ZNF423: variants seen among roughly 807,000 people sequenced by gnomAD.
ZNF423 encodes zinc finger protein 423.
ZNF423 carries 12 observed loss-of-function variants against 95.8 expected under a neutral mutation model. The observed-to-expected ratio is 0.13, with a 90% CI of 0.08 to 0.20. ZNF423 has a LOEUF of 0.20. Among genes scored for constraint, ZNF423 ranks in the 10% least tolerant of loss-of-function variants. The pLI is 1.00. For synonymous variants in ZNF423, 749 were observed against 711.9 expected, an observed-to-expected ratio of 1.05 and a Z score of -0.83; for missense variants, 1,316 against 1,737.1, an observed-to-expected ratio of 0.76 and a Z score of 4.31.
intron 3 of ZNF423, among the ~76,000 whole-genome samples, chr16:49,727,046 C>T (rs962823832): frequency 2.6e-5 from 4 of 151,924 alleles, no homozygotes; most frequent in East Asian, 1.9e-4. Context: ...GACATCAGGG[C>T]GGGAGAATGA....
intron 2 of ZNF423, among the ~76,000 whole-genome samples, chr16:49,744,361 T>A (rs932781922): frequency 6.6e-6 from 1 of 152,038 alleles, no homozygotes; most frequent in African/African-American, 2.4e-5. Context: ...CCAGGCAGGC[T>A]GTCCCCAGGC....
chr16:49,805,583 C>T (rs1208784772), intron 1 of ZNF423, among the ~76,000 whole-genome samples: 2 of 152,184 alleles, frequency 1.3e-5, no homozygotes, highest in Non-Finnish European at 2.9e-5. Flanking sequence ...ATTGCCTGTA[C>T]CTTCTCAAAA....
chr16:49,828,275 T>C (rs1291745884), intron 1 of ZNF423, among the ~76,000 whole-genome samples: 3 of 152,240 alleles, frequency 2.0e-5, no homozygotes, highest in Non-Finnish European at 4.4e-5. Context: ...CCTGTTTATC[T>C]TGGTAACAGT....
Position 49,492,847 on chromosome 16 carries a change from C to T in ZNF423, c.3850-1543G>A, listed in dbSNP as rs1454839624. Among the ~76,000 whole-genome samples the T allele has an allele frequency of 6.6e-6, 1 of 152,138 alleles. No homozygotes were observed. The highest frequency in any genetic ancestry group is 1.5e-5 in the Non-Finnish European group (1 of 68,006). On this transcript the variant is annotated intron_variant, in intron 7 of 7. Coordinates refer to ENST00000563137, the MANE Select transcript of ZNF423 (RefSeq NM_001379286.1). The surrounding 1 kb of genome is among the most constrained non-coding windows in gnomAD (Gnocchi z 4.2). Reference sequence around the variant, plus strand: ...GGCAAAAATTACAGGCCCAAGGTCACCCAGGTTGGAAGCACCGGGCACTGA... The same window carrying T: ...GGCAAAAATTACAGGCCCAAGGTCATCCAGGTTGGAAGCACCGGGCACTGA...
chr16:49,827,896 A>T (rs771586648), intron 1 of ZNF423, among the ~76,000 whole-genome samples: 1 of 152,194 alleles, frequency 6.6e-6, no homozygotes, highest in Non-Finnish European at 1.5e-5. Flanking sequence ...CACCATGCCC[A>T]GTCTGAATGA....
chr16:49,647,533 G>C (rs915538101), intron 3 of ZNF423, among the ~76,000 whole-genome samples: 4 of 152,178 alleles, frequency 2.6e-5, no homozygotes, highest in Non-Finnish European at 5.9e-5. Context: ...TAATCACAAG[G>C]GTCCTTAAAT....
At chr16:49,723,863 A>G (rs2032934553) in intron 3 of ZNF423, among the ~76,000 whole-genome samples, 1 of 152,108 alleles carries the variant, frequency 6.6e-6, no homozygotes, top group African/African-American at 2.4e-5. Flanking sequence ...CTCATACACT[A>G]GATTTCCAGT....
intron 3 of ZNF423, among the ~76,000 whole-genome samples, chr16:49,645,562 C>A (rs1178025359): frequency 6.6e-6 from 1 of 152,182 alleles, no homozygotes; most frequent in Non-Finnish European, 1.5e-5. Flanking sequence ...CAGGTTTCCT[C>A]TTCCAAAAAA....
chr16:49,715,865 C>T (rs1000400002), intron 3 of ZNF423, among the ~76,000 whole-genome samples: 2 of 150,968 alleles, frequency 1.3e-5, no homozygotes, highest in African/African-American at 4.9e-5. Context: ...TAGAGAGACC[C>T]CATGTATGCA....
intron 3 of ZNF423, among the ~76,000 whole-genome samples, chr16:49,709,183 T>TATATATAA (rs58833331): frequency 2.1e-5 from 3 of 145,370 alleles, no homozygotes; most frequent in Middle Eastern, 7.0e-3. Context: ...TATATATATA[T>TATATATAA]GAAAACGGAG....
chr16:49,821,218 G>A (rs887048608), intron 1 of ZNF423, among the ~76,000 whole-genome samples: 1 of 151,472 alleles, frequency 6.6e-6, no homozygotes, highest in East Asian at 1.9e-4. Flanking sequence ...CTACCCAGAC[G>A]CGGAGGAAAA....
At chr16:49,658,563 C>T (rs1430383891) in intron 3 of ZNF423, among the ~76,000 whole-genome samples, 1 of 152,252 alleles carries the variant, frequency 6.6e-6, no homozygotes, top group Non-Finnish European at 1.5e-5. Flanking sequence ...AAGGCTGCCC[C>T]AGCCCTGCCC....
chr16:49,544,405 G>A (rs1340616483), intron 5 of ZNF423, among the ~76,000 whole-genome samples: 1 of 152,170 alleles, frequency 6.6e-6, no homozygotes, highest in African/African-American at 2.4e-5. Context: ...AAACCCTCAC[G>A]TCTAATTAGG....
chr16:49,742,695 A>T (rs2033439221), intron 2 of ZNF423, among the ~76,000 whole-genome samples: 1 of 151,970 alleles, frequency 6.6e-6, no homozygotes, highest in African/African-American at 2.4e-5. Flanking sequence ...AAATCCAGCT[A>T]ATTTGTGGCC....
At chr16:49,725,187 A>T (rs1190264646) in intron 3 of ZNF423, among the ~76,000 whole-genome samples, 1 of 152,180 alleles carries the variant, frequency 6.6e-6, no homozygotes. Flanking sequence ...GGTCATGATC[A>T]ACCTAGGCAA....
At chr16:49,567,262 GCTTTGATGTGACCCAGGATGGCATTAGCT>G (rs1970223250) in intron 5 of ZNF423, among the ~76,000 whole-genome samples, 1 of 152,184 alleles carries the variant, frequency 6.6e-6, no homozygotes, top group Non-Finnish European at 1.5e-5. Context: ...GCTTTAGCTG[GCTTTGATGTGACCCAGGATGGCATTAGCT>G]GATCCTTTCA....
chr16:49,585,520 T>C (rs1240355396), intron 5 of ZNF423, among the ~76,000 whole-genome samples: 1 of 152,226 alleles, frequency 6.6e-6, no homozygotes, highest in East Asian at 1.9e-4. Context: ...TTTGTTCATG[T>C]GTGAGATGCA....
chr16:49,662,667 T>C (rs1469265092), intron 3 of ZNF423, among the ~76,000 whole-genome samples: 2 of 152,004 alleles, frequency 1.3e-5, no homozygotes, highest in Non-Finnish European at 2.9e-5. Context: ...TATGAAGAAG[T>C]GCAGGGCAGG....
chr16:49,852,803 G>T (rs2035316301), intron 1 of ZNF423, among the ~76,000 whole-genome samples: 1 of 150,766 alleles, frequency 6.6e-6, no homozygotes, highest in Non-Finnish European at 1.5e-5. Flanking sequence ...TTTACTAGGT[G>T]TCCTCCCTGT....
Sources: gnomAD v4.1 joint callset for allele counts (sites outside exome capture counted in the v4.1 genomes callset) on GRCh38, gnomAD v4.1.1 for gene constraint, Gnocchi (gnomAD v3.1) non-coding constraint, MANE v1.5 for transcripts, NCBI Gene and HGNC (gene_info 2026-07-23, HGNC 2026-07-21) for gene names.